GRM8: variants seen among roughly 807,000 people sequenced by gnomAD.
GRM8 encodes the protein metabotropic glutamate receptor 8.
GRM8 carries 47 observed loss-of-function variants against 87.2 expected under a neutral mutation model. The observed-to-expected ratio is 0.54, with a 90% CI of 0.43 to 0.69. The LOEUF (loss-of-function observed/expected upper bound fraction) is 0.69. GRM8 is among the 30% of genes least tolerant of loss of function. The pLI, the probability that GRM8 is intolerant of heterozygous loss-of-function variation, is 0.00. For synonymous variants in GRM8, 396 were observed against 404.5 expected, an observed-to-expected ratio of 0.98 and a Z score of 0.25; for missense variants, 1,019 against 1,139.2, an observed-to-expected ratio of 0.89 and a Z score of 1.52.
intron 3 of GRM8, among the ~76,000 whole-genome samples, chr7:126,972,541 T>G (rs1048087220): frequency 6.6e-6 from 1 of 152,192 alleles, no homozygotes; most frequent in Non-Finnish European, 1.5e-5. Context: ...TTTTTTCAAC[T>G]AAATTCTTTA....
intron 8 of GRM8, among the ~76,000 whole-genome samples, chr7:126,600,141 A>T (rs1797589599): frequency 6.6e-6 from 1 of 152,174 alleles, no homozygotes; most frequent in African/African-American, 2.4e-5. Flanking sequence ...CTGAATTCAA[A>T]TAGTTTATTA....
intron 7 of GRM8, among the ~76,000 whole-genome samples, chr7:126,750,419 A>T (rs1204884107): frequency 2.0e-5 from 3 of 152,062 alleles, no homozygotes; most frequent in Non-Finnish European, 2.9e-5. Context: ...TATATTTGTT[A>T]AAAAAATGAA....
intron 6 of GRM8, among the ~76,000 whole-genome samples, chr7:126,829,571 C>G (rs1029674411): frequency 1.1e-4 from 17 of 150,964 alleles, no homozygotes; most frequent in Non-Finnish European, 2.4e-4. Flanking sequence ...CTTCCTCCAT[C>G]CTTTTATTTT....
intron 2 of GRM8, among the ~76,000 whole-genome samples, chr7:127,236,176 T>G (rs528086774): frequency 1.6e-4 from 24 of 152,324 alleles, no homozygotes; most frequent in African/African-American, 5.5e-4. Flanking sequence ...AGATCTACTC[T>G]TTCAACAATT....
chr7:126,990,559 G>A (rs1383717375), intron 3 of GRM8, among the ~76,000 whole-genome samples: 1 of 152,200 alleles, frequency 6.6e-6, no homozygotes, highest in African/African-American at 2.4e-5. Flanking sequence ...CTTGATGTGG[G>A]AATAAAAGAT....
chr7:126,501,273 T>C (rs751473518), intron 9 of GRM8, among the ~76,000 whole-genome samples: 1 of 152,060 alleles, frequency 6.6e-6, no homozygotes, highest in Non-Finnish European at 1.5e-5. Flanking sequence ...GGCTTCATTA[T>C]GGAGGCACAT....
At chr7:126,804,614 A>G (rs1792465849) in intron 6 of GRM8, among the ~76,000 whole-genome samples, 1 of 152,206 alleles carries the variant, frequency 6.6e-6, no homozygotes, top group Non-Finnish European at 1.5e-5. Context: ...TTCCACTTCA[A>G]GATCCATTCA....
At chr7:127,203,210 G>C (rs769705151) in intron 2 of GRM8, among the ~76,000 whole-genome samples, 2 of 152,198 alleles carry the variant, frequency 1.3e-5, no homozygotes, top group Non-Finnish European at 2.9e-5. Flanking sequence ...AGGAAACCAA[G>C]TGATTAAATT....
chr7:127,030,767 AC>A (rs1817285925), intron 3 of GRM8, among the ~76,000 whole-genome samples: 1 of 152,072 alleles, frequency 6.6e-6, no homozygotes, highest in African/African-American at 2.4e-5. Flanking sequence ...CATCTATTTA[AC>A]CTATTTCGGC....
At chr7:127,128,215 T>C in intron 2 of GRM8, among the ~76,000 whole-genome samples, 1 of 152,184 alleles carries the variant, frequency 6.6e-6, no homozygotes, top group East Asian at 1.9e-4. Flanking sequence ...TTTCCAAAGC[T>C]GAGTATCAGA....
Position 126,535,163 on chromosome 7 carries a change from A to T in GRM8, c.1495-1276T>A, listed in dbSNP as rs76500392. Among the ~76,000 whole-genome samples, 74 of 152,298 alleles carry T rather than the reference A, an allele frequency of 4.9e-4. 1 individual carries two copies. The East Asian group carries it at 0.014, about 29-fold the overall frequency. The stretch of plus-strand genomic sequence containing the variant: ...TCAGTCTCCACCGTGGCCCCCAATA[A>T]CCTCACTTCTGAAAATTGATGTACT... On this transcript the variant is annotated intron_variant, in intron 8 of 10. Transcript: ENST00000339582.
At chr7:126,653,308 A>AAAAAAG (rs1804137866) in intron 7 of GRM8, among the ~76,000 whole-genome samples, 1 of 151,296 alleles carries the variant, frequency 6.6e-6, no homozygotes, top group Admixed American at 6.6e-5. Context: ...TCCAAAAAAA[A>AAAAAAG]AAAAAAAAGG....
chr7:127,191,280 C>T (rs1795016118), intron 2 of GRM8, among the ~76,000 whole-genome samples: 2 of 152,162 alleles, frequency 1.3e-5, no homozygotes, highest in African/African-American at 4.8e-5. Context: ...TACATTTCAT[C>T]TCTACAAAAG....
intron 2 of GRM8, among the ~76,000 whole-genome samples, chr7:127,177,385 G>A (rs549971692): frequency 2.0e-5 from 3 of 152,184 alleles, no homozygotes; most frequent in Non-Finnish European, 4.4e-5. Flanking sequence ...GTCTAGCCCT[G>A]CCTGCACTTG....
chr7:126,441,678 C>T (rs1801477620), intron 10 of GRM8, among the ~76,000 whole-genome samples: 1 of 152,126 alleles, frequency 6.6e-6, no homozygotes, highest in East Asian at 1.9e-4. Flanking sequence ...AGTTCCTCCT[C>T]GGAAATAACT....
intron 2 of GRM8, among the ~76,000 whole-genome samples, chr7:127,132,394 C>G (rs1369250133): frequency 2.6e-5 from 4 of 152,172 alleles, no homozygotes; most frequent in Admixed American, 2.6e-4. Context: ...CTTTTCCAAG[C>G]TTTCCAAGTC....
chr7:126,603,665 TGC>T (rs1798052104), intron 8 of GRM8, among the ~76,000 whole-genome samples: 1 of 152,112 alleles, frequency 6.6e-6, no homozygotes, highest in Non-Finnish European at 1.5e-5. Flanking sequence ...CTCACACTTA[TGC>T]TATGTAGGAA....
chr7:127,201,233 G>A (rs558907738), intron 2 of GRM8, among the ~76,000 whole-genome samples: 2 of 152,270 alleles, frequency 1.3e-5, no homozygotes, highest in South Asian at 4.1e-4. Flanking sequence ...TGTTACTAGT[G>A]CTTCATGAGT....
intron 9 of GRM8, among the ~76,000 whole-genome samples, chr7:126,453,825 T>C (rs923372393): frequency 2.0e-5 from 3 of 151,292 alleles, no homozygotes; most frequent in South Asian, 2.1e-4. Flanking sequence ...TACAGAAATA[T>C]AGTAAATAAG....
Sources: allele counts gnomAD v4.1 joint callset (sites outside exome capture counted in the v4.1 genomes callset), GRCh38; gene constraint gnomAD v4.1.1; transcripts MANE v1.5; gene names NCBI Gene and HGNC (gene_info 2026-07-23, HGNC 2026-07-21).